Variants in CACHD1 observed in about 807,000 individuals in gnomAD.
The protein encoded by CACHD1 is VWFA and cache domain-containing protein 1.
A neutral mutation model predicts 138.7 loss-of-function variants in CACHD1; 71 were observed. The observed-to-expected ratio is 0.51, with a 90% CI of 0.42 to 0.62. The LOEUF is 0.62. Ranked by LOEUF, CACHD1 falls within the 20% of genes least tolerant of loss-of-function variation. CACHD1 has a pLI of 0.00. For synonymous variants in CACHD1, 578 were observed against 591.5 expected, an observed-to-expected ratio of 0.98 and a Z score of 0.33; for missense variants, 1,389 against 1,625.3, an observed-to-expected ratio of 0.85 and a Z score of 2.50.
At chr1:64,597,140 A>T (rs1293595300) in intron 3 of CACHD1, among the ~76,000 whole-genome samples, 1 of 151,982 alleles carries the variant, frequency 6.6e-6, no homozygotes, top group African/African-American at 2.4e-5. Context: ...CTAAACTGGG[A>T]CTCCACTGAA....
chr1:64,493,882 G>A (rs765796748), intron 1 of CACHD1, among the ~76,000 whole-genome samples: 1 of 152,180 alleles, frequency 6.6e-6, no homozygotes, highest in Non-Finnish European at 1.5e-5. Flanking sequence ...CTATTTAATA[G>A]ACACGGCTGC....
chr1:64,542,549 A>G (rs1037763221), intron 1 of CACHD1, among the ~76,000 whole-genome samples: 4 of 152,094 alleles, frequency 2.6e-5, no homozygotes, highest in African/African-American at 9.7e-5. Flanking sequence ...TGCTTTTGTG[A>G]GTTTGACAAC....
intron 4 of CACHD1, among the ~76,000 whole-genome samples, chr1:64,623,639 A>C (rs1418497849): frequency 1.3e-5 from 2 of 152,164 alleles, no homozygotes; most frequent in African/African-American, 4.8e-5. Flanking sequence ...GAACGTACCT[A>C]TAACACCGAT....
intron 1 of CACHD1, among the ~76,000 whole-genome samples, chr1:64,511,508 A>G (rs1646420304): frequency 6.6e-6 from 1 of 152,198 alleles, no homozygotes; most frequent in Non-Finnish European, 1.5e-5. Context: ...CAGACAAAGA[A>G]TCATAAAATT....
intron 6 of CACHD1, 84 bp from the exon 7 acceptor site, chr1:64,633,960 G>T (rs1224266963): frequency 5.9e-6 from 6 of 1,022,698 alleles, no homozygotes; most frequent in Admixed American, 2.5e-5. Context: ...CTTACTCCTT[G>T]GCCTCTTCTG....
At chr1:64,620,058 G>A (rs1348458734) in intron 4 of CACHD1, among the ~76,000 whole-genome samples, 1 of 151,954 alleles carries the variant, frequency 6.6e-6, no homozygotes, top group Admixed American at 6.6e-5. Flanking sequence ...CTTATTATCT[G>A]CTTGGCACCC....
chr1:64,619,657 T>C (rs1443471708), intron 4 of CACHD1, among the ~76,000 whole-genome samples: 1 of 152,182 alleles, frequency 6.6e-6, no homozygotes, highest in Non-Finnish European at 1.5e-5. Flanking sequence ...TACCCTCATC[T>C]GTATTCTAAC....
At position 64,602,787 on chromosome 1, in the gene CACHD1, T is replaced by G; in HGVS notation, c.411-19T>G. ...TTCTGGCCTGAATAAGTATTGCTAA[T>G]TCTCTCCTATTGTTTCAGATTCGAT... On this transcript the variant is annotated intron_variant, in intron 3 of 26. Coordinates refer to ENST00000651257, the MANE Select transcript of CACHD1 (RefSeq NM_020925.4). 3.2e-6 allele frequency: 5 copies of G among 1,545,724 alleles called. No homozygotes were observed. The highest frequency in any genetic ancestry group is 3.6e-6 in the Non-Finnish European group (4 of 1,117,792).
intron 1 of CACHD1, among the ~76,000 whole-genome samples, chr1:64,538,992 C>T (rs1646655914): frequency 6.6e-6 from 1 of 152,162 alleles, no homozygotes; most frequent in Non-Finnish European, 1.5e-5. Context: ...ATAGGGATTG[C>T]AAGACTGAAT....
At chr1:64,583,032 C>T (rs971427158) in intron 3 of CACHD1, among the ~76,000 whole-genome samples, 5 of 152,076 alleles carry the variant, frequency 3.3e-5, no homozygotes, top group Non-Finnish European at 4.4e-5. Flanking sequence ...AAATAAAAGA[C>T]GTTAATATGT....
chr1:64,651,791 T>C (rs2100680618), intron 9 of CACHD1, among the ~76,000 whole-genome samples: 1 of 152,362 alleles, frequency 6.6e-6, no homozygotes, highest in Non-Finnish European at 1.5e-5. Flanking sequence ...TCCATTGATC[T>C]TTCAAGTTCA....
intron 1 of CACHD1, among the ~76,000 whole-genome samples, chr1:64,505,124 A>G (rs1211438708): frequency 6.6e-6 from 1 of 152,196 alleles, no homozygotes; most frequent in Admixed American, 6.5e-5. Context: ...GTGTGAAACT[A>G]GAGGTATAGA....
intron 1 of CACHD1, among the ~76,000 whole-genome samples, chr1:64,517,915 A>G (rs1250769801): frequency 6.6e-6 from 1 of 152,144 alleles, no homozygotes; most frequent in Non-Finnish European, 1.5e-5. Context: ...TGTGGCTGTA[A>G]TGGTTGTATT....
intron 1 of CACHD1, among the ~76,000 whole-genome samples, chr1:64,527,469 G>A (rs1279804125): frequency 6.6e-6 from 1 of 152,222 alleles, no homozygotes; most frequent in Admixed American, 6.5e-5. Flanking sequence ...CGGTAACAGT[G>A]TGGACACGCT....
intron 4 of CACHD1, among the ~76,000 whole-genome samples, chr1:64,612,444 G>T (rs925143861): frequency 2.0e-5 from 3 of 152,080 alleles, no homozygotes; most frequent in African/African-American, 7.2e-5. Flanking sequence ...ATTAATGTTG[G>T]TGGTTACTTA....
At chr1:64,529,908 A>G (rs905149070) in intron 1 of CACHD1, among the ~76,000 whole-genome samples, 40 of 152,218 alleles carry the variant, frequency 2.6e-4, no homozygotes, top group South Asian at 6.2e-4. Context: ...TAGGTCTTCT[A>G]TGATTTTGGC....
intron 4 of CACHD1, among the ~76,000 whole-genome samples, chr1:64,610,853 C>A (rs1647506606): frequency 6.6e-6 from 1 of 152,258 alleles, no homozygotes. Context: ...CCCTTCCACA[C>A]TGCCCTAGCA....
chr1:64,558,854 C>G (rs1390265834), intron 2 of CACHD1, among the ~76,000 whole-genome samples: 4 of 152,110 alleles, frequency 2.6e-5, no homozygotes, highest in Admixed American at 2.6e-4. Context: ...AGACACTTCT[C>G]AAAAGAAGAC....
chr1:64,638,046 C>T (rs988576), intron 7 of CACHD1, among the ~76,000 whole-genome samples: 149,373 of 152,300 alleles, frequency 0.98, 73,341 homozygotes, highest in East Asian at 1. Context: ...TGCATATTTC[C>T]TGTGATTATT....
Sources: gnomAD v4.1 joint callset for allele counts (sites outside exome capture counted in the v4.1 genomes callset) on GRCh38, gnomAD v4.1.1 for gene constraint, MANE v1.5 for transcripts, NCBI Gene and HGNC (gene_info 2026-07-23, HGNC 2026-07-21) for gene names.